GHR: variants seen among roughly 807,000 people sequenced by gnomAD.
GHR encodes GH receptor.
GHR carries 35 observed loss-of-function variants against 67.1 expected under a neutral mutation model. The observed-to-expected ratio is 0.52, with a 90% CI of 0.40 to 0.69. GHR has a LOEUF of 0.69. Ranked by LOEUF, GHR falls within the 30% of genes least tolerant of loss-of-function variation. The pLI is 0.00. For synonymous variants in GHR, 272 were observed against 269.1 expected, an observed-to-expected ratio of 1.01 and a Z score of -0.10; for missense variants, 792 against 764.6, an observed-to-expected ratio of 1.04 and a Z score of -0.42.
intron 4 of GHR, among the ~76,000 whole-genome samples, chr5:42,694,530 T>C (rs1192960404): frequency 2.0e-5 from 3 of 152,210 alleles, no homozygotes; most frequent in African/African-American, 7.2e-5. Context: ...TTCACTGTTC[T>C]CTGGGAATCT....
At chr5:42,457,136 T>C (rs1744296456) in intron 1 of GHR, among the ~76,000 whole-genome samples, 1 of 152,200 alleles carries the variant, frequency 6.6e-6, no homozygotes, top group Non-Finnish European at 1.5e-5. Flanking sequence ...TCTGTGGCCT[T>C]CATCTTCATG....
intron 1 of GHR, among the ~76,000 whole-genome samples, chr5:42,490,615 G>A (rs1447793702): frequency 1.3e-5 from 2 of 152,180 alleles, no homozygotes; most frequent in African/African-American, 4.8e-5. Context: ...TGACAGATTT[G>A]TTGCTTTAAA....
chr5:42,617,499 A>G (rs904069303), intron 2 of GHR, among the ~76,000 whole-genome samples: 1 of 151,908 alleles, frequency 6.6e-6, no homozygotes, highest in Non-Finnish European at 1.5e-5. Flanking sequence ...ATCTTTGTCA[A>G]CCTTCTTAAC....
rs1414981108 is a variant in GHR at position 42,423,901 on chromosome 5, T to C, written c.-66T>C. 6.4e-6 allele frequency: 1 copy of C among 155,216 alleles called. No homozygotes were observed. Among genetic ancestry groups the C allele is most frequent in the Non-Finnish European group, 1.4e-5 (1 of 69,722 alleles). 9.6% of individuals were successfully genotyped at this position (155,216 alleles called of 1,614,324 possible). A position where few individuals can be genotyped will look rare whatever the true frequency, so the allele number is the denominator to read the frequency against. On this transcript the variant is annotated 5_prime_UTR_variant, in exon 1 of 10. Transcript: ENST00000230882. ...ACGCGGGCCGGAGGCCCCGGCACCA[T>C]TGGCCCCAGCGCAGACGCGAACCCG...
At position 42,424,547 on chromosome 5, in the gene GHR, C is replaced by A; in HGVS notation, c.-12+592C>A. On this transcript the variant is annotated intron_variant, in intron 1 of 9. Transcript: ENST00000230882. This position sits in a 1 kb window ranked among gnomAD's most constrained non-coding sequence, Gnocchi z 4.1. ...TGCGGGCCGCAGCCGCACGTTGGCA[C>A]CGATGGAACTGGGGTCAGTAGAGTG... is the stretch of plus-strand genomic sequence containing the variant. The A allele has an allele frequency of 6.5e-7, 1 of 1,529,350 alleles. No individual in the cohort carries two copies. Among genetic ancestry groups the A allele is most frequent in the Non-Finnish European group, 8.8e-7 (1 of 1,141,398 alleles). 94.7% of individuals were successfully genotyped at this position (1,529,350 alleles called of 1,614,324 possible).
At chr5:42,492,405 A>T (rs1037563776) in intron 1 of GHR, among the ~76,000 whole-genome samples, 2 of 152,132 alleles carry the variant, frequency 1.3e-5, no homozygotes, top group African/African-American at 4.8e-5. Context: ...TTTCTACCTT[A>T]TGGGGTCTGT....
At chr5:42,595,941 C>T (rs1752044167) in intron 2 of GHR, among the ~76,000 whole-genome samples, 1 of 152,154 alleles carries the variant, frequency 6.6e-6, no homozygotes, top group Admixed American at 6.5e-5. Flanking sequence ...GATAGGTGCT[C>T]TTGGAAAGTG....
At chr5:42,452,766 C>A (rs1744105175) in intron 1 of GHR, among the ~76,000 whole-genome samples, 1 of 152,024 alleles carries the variant, frequency 6.6e-6, no homozygotes, top group African/African-American at 2.4e-5. Context: ...TTTATGATAT[C>A]TATTTCTCTG....
In GHR at chr5:42,481,367, T is replaced by C. The variant is rs1376690759; in HGVS notation, c.-12+57412T>C. 2.6e-5 allele frequency among the ~76,000 whole-genome samples: 4 copies of C among 152,354 alleles called. No individual in the cohort carries two copies. The South Asian group carries it at 8.3e-4, about 32-fold the overall frequency. On this transcript the variant is annotated intron_variant, in intron 1 of 9. Transcript: ENST00000230882. ...TGGTGAATCTGCCAATTATGTGTCT[T>C]GGAGTTGCTCTTCTCGAGGAGTATC...
At chr5:42,516,887 T>G (rs1474578037) in intron 1 of GHR, among the ~76,000 whole-genome samples, 2 of 152,210 alleles carry the variant, frequency 1.3e-5, no homozygotes, top group Admixed American at 6.5e-5. Flanking sequence ...CTGGTTGGGG[T>G]AAACTTTGAA....
chr5:42,661,005 T>C (rs1471665946), intron 3 of GHR, among the ~76,000 whole-genome samples: 3 of 152,098 alleles, frequency 2.0e-5, no homozygotes, highest in Non-Finnish European at 4.4e-5. Context: ...AGAAATGGTA[T>C]CAGTGATGGA....
chr5:42,699,799 A>G (rs1232777943), intron 5 of GHR, 25 bp from the exon 6 acceptor site: 5 of 1,510,814 alleles, frequency 3.3e-6, no homozygotes, highest in African/African-American at 2.7e-5. Context: ...CTGTCTGTGT[A>G]CTAATGCTCT....
chr5:42,714,383 T>C (rs570165611), intron 8 of GHR, among the ~76,000 whole-genome samples: 1 of 152,296 alleles, frequency 6.6e-6, no homozygotes, highest in East Asian at 1.9e-4. Flanking sequence ...TTACCTAGAA[T>C]TGAAAATACG....
intron 1 of GHR, among the ~76,000 whole-genome samples, chr5:42,440,760 A>C (rs1483164660): frequency 2.0e-5 from 3 of 152,172 alleles, no homozygotes; most frequent in Non-Finnish European, 4.4e-5. Context: ...GATGATGCTG[A>C]AGATTGAAAG....
At position 42,719,081 on chromosome 5, in the gene GHR, A is replaced by G. The variant is rs1450946001; in HGVS notation, c.1574A>G (p.Gln525Arg). ...DMHPEMVSLC[Q>R]ENFLMDNAYF... ...CACCCGGAAATGGTCTCACTCTGCC[A>G]AGAAAACTTCCTTATGGACAATGCC... The change falls in exon 10 of 10, where the codon CAA becomes CGA. Residue 525 changes from glutamine to arginine, a missense_variant. Coordinates refer to ENST00000230882, the MANE Select transcript of GHR (RefSeq NM_000163.5). 2 of 1,613,344 alleles carry G rather than the reference A, an allele frequency of 1.2e-6. No homozygotes were observed. Among genetic ancestry groups the G allele is most frequent in the Non-Finnish European group, 8.5e-7 (1 of 1,179,312 alleles).
chr5:42,468,512 A>C (rs529145412), intron 1 of GHR: 28 of 785,346 alleles, frequency 3.6e-5, no homozygotes, highest in Middle Eastern at 4.0e-4. Flanking sequence ...CTGGGGGACC[A>C]GGACCTCAGC....
chr5:42,485,578 G>A (rs572053835), intron 1 of GHR, among the ~76,000 whole-genome samples: 1 of 152,290 alleles, frequency 6.6e-6, no homozygotes, highest in East Asian at 1.9e-4. Flanking sequence ...TCTGAATATG[G>A]TGACTTTTGT....
At chr5:42,678,599 A>G (rs780750899) in intron 3 of GHR, among the ~76,000 whole-genome samples, 32 of 152,200 alleles carry the variant, frequency 2.1e-4, no homozygotes, top group Non-Finnish European at 3.4e-4. Flanking sequence ...TTCAGGAGTA[A>G]CTTTCAGTTA....
At position 42,424,962 on chromosome 5, in the gene GHR, G is replaced by A; in HGVS notation, c.-12+1007G>A. On this transcript the variant is annotated intron_variant, in intron 1 of 9. Coordinates refer to ENST00000230882, the MANE Select transcript of GHR (RefSeq NM_000163.5). The surrounding 1 kb of genome is among the most constrained non-coding windows in gnomAD (Gnocchi z 4.1). ...GTGTCGGCGCCTGAGCCAGTAGGGTGTGCAGGGTGGAAGAGGCCACAGAGG... is the reference window on the plus strand; with the variant it reads ...GTGTCGGCGCCTGAGCCAGTAGGGTATGCAGGGTGGAAGAGGCCACAGAGG... 1.0e-6 allele frequency: 1 copy of A among 982,706 alleles called. No homozygotes were observed. The highest frequency in any genetic ancestry group is 1.2e-6 in the Non-Finnish European group (1 of 827,434). The allele number at this position is 982,706 out of a possible 1,614,324, so 60.9% of individuals were successfully genotyped here.
Sources: allele counts gnomAD v4.1 joint callset (sites outside exome capture counted in the v4.1 genomes callset), GRCh38; gene constraint gnomAD v4.1.1; non-coding constraint Gnocchi (gnomAD v3.1); transcripts MANE v1.5; gene names NCBI Gene and HGNC (gene_info 2026-07-23, HGNC 2026-07-21).